Variants in SHC3 observed in about 807,000 individuals in gnomAD.
SHC3 encodes the protein SHC adaptor protein 3.
In SHC3, 15 loss-of-function variants were observed where a neutral mutation model predicts 60.4. The ratio of observed to expected loss-of-function variants is 0.25; its 90% CI spans 0.17 to 0.38. The LOEUF (loss-of-function observed/expected upper bound fraction) is 0.38. SHC3 is among the 10% of genes least tolerant of loss of function. The pLI, the probability that SHC3 is intolerant of heterozygous loss-of-function variation, is 1.00. For synonymous variants in SHC3, 294 were observed against 325.9 expected (o/e 0.90, Z 1.05); for missense variants, 677 against 786.1 (o/e 0.86, Z 1.66).
chr9:89,130,958 T>C (rs1201297949), intron 1 of SHC3, among the ~76,000 whole-genome samples: 2 of 151,944 alleles, frequency 1.3e-5, no homozygotes, highest in African/African-American at 4.8e-5. Flanking sequence ...AAAAAATCAA[T>C]GAATCCAGGA....
At position 89,059,084 on chromosome 9, in the gene SHC3, ATGGAGGATGGTGG is replaced by A. The variant is rs1018138873; in HGVS notation, c.835+6432_835+6444del. 1.7e-3 allele frequency among the ~76,000 whole-genome samples: 139 copies of A among 83,146 alleles called. 1 individual carries two copies. In the East Asian group the frequency reaches 0.047, roughly 28 times the overall value. The allele number at this position is 83,146 out of a possible 152,430, so 54.5% of individuals were successfully genotyped here. Reference sequence around the variant, plus strand: ...GGTGGAGGACGTGGTAAAGGACGTGATGGAGGATGGTGGTGGAGGATGGTGGTGGAGGATGTGG... The same window carrying A: ...GGTGGAGGACGTGGTAAAGGACGTGATGGAGGATGGTGGTGGAGGATGTGG... On this transcript the variant is annotated intron_variant, in intron 6 of 11. Transcript: ENST00000375835.
intron 5 of SHC3, among the ~76,000 whole-genome samples, chr9:89,070,201 A>C (rs1217703708): frequency 6.6e-6 from 1 of 152,246 alleles, no homozygotes; most frequent in Non-Finnish European, 1.5e-5. Context: ...ATCATTTTTC[A>C]ATTGAATAAA....
chr9:89,090,956 C>T (rs1564135539), intron 2 of SHC3, among the ~76,000 whole-genome samples: 1 of 152,200 alleles, frequency 6.6e-6, no homozygotes, highest in Non-Finnish European at 1.5e-5. Flanking sequence ...CTGTGCAAGA[C>T]ATGGCATAAC....
intron 1 of SHC3, among the ~76,000 whole-genome samples, chr9:89,167,260 C>T (rs919964945): frequency 3.3e-5 from 5 of 152,202 alleles, no homozygotes; most frequent in African/African-American, 4.8e-5. Context: ...ATGAGGTTCT[C>T]ATCTATTACA....
chr9:89,178,533 C>T lies in SHC3; in HGVS notation c.-73G>A. ...CCCCGGCGCGGGCTGCCGCGCATAG[C>T]AGGCGAGCCACTGTCCCCGGAGCGG... On this transcript the variant is annotated 5_prime_UTR_variant, in exon 1 of 12. Coordinates refer to ENST00000375835, the MANE Select transcript of SHC3 (RefSeq NM_016848.6). The surrounding 1 kb of genome is among the most constrained non-coding windows in gnomAD (Gnocchi z 6.9). 7.5e-7 allele frequency: 1 copy of T among 1,333,966 alleles called. No homozygotes were observed. Among genetic ancestry groups the T allele is most frequent in the Non-Finnish European group, 9.8e-7 (1 of 1,024,110 alleles). 82.6% of individuals were successfully genotyped at this position (1,333,966 alleles called of 1,614,324 possible). A position where few individuals can be genotyped will look rare whatever the true frequency, so the allele number is the denominator to read the frequency against.
chr9:89,120,965 G>A (rs1826084577), intron 1 of SHC3, among the ~76,000 whole-genome samples: 1 of 151,698 alleles, frequency 6.6e-6, no homozygotes, highest in Non-Finnish European at 1.5e-5. Context: ...ATTTATTTGA[G>A]AAACATATAA....
At chr9:89,072,414 A>G (rs1825289087) in intron 4 of SHC3, among the ~76,000 whole-genome samples, 1 of 152,210 alleles carries the variant, frequency 6.6e-6, no homozygotes, top group Non-Finnish European at 1.5e-5. Context: ...ACTCACAGCT[A>G]GAATGGGGGG....
chr9:89,034,256 ATTCC>A, intron 11 of SHC3, among the ~76,000 whole-genome samples: 1 of 152,236 alleles, frequency 6.6e-6, no homozygotes, highest in African/African-American at 2.4e-5. Flanking sequence ...TTTTAAACAG[ATTCC>A]TAGACATATC....
chr9:89,094,691 G>T (rs1825674375), intron 2 of SHC3, among the ~76,000 whole-genome samples: 1 of 152,094 alleles, frequency 6.6e-6, no homozygotes, highest in African/African-American at 2.4e-5. Flanking sequence ...TAGGGAGGTG[G>T]GGGTGAGACT....
chr9:89,051,549 G>T (rs1434108438), intron 7 of SHC3, among the ~76,000 whole-genome samples: 1 of 152,218 alleles, frequency 6.6e-6, no homozygotes, highest in Non-Finnish European at 1.5e-5. Context: ...CCACCTGGAA[G>T]GTAAACAAAC....
At position 89,129,515 on chromosome 9, in the gene SHC3, G is replaced by A. The variant is rs915291027; in HGVS notation, c.475-16889C>T. Among the ~76,000 whole-genome samples, 6 of 152,228 alleles carry A rather than the reference G, an allele frequency of 3.9e-5. No individual in the cohort carries two copies. In the East Asian group the frequency reaches 7.7e-4, roughly 20 times the overall value. On this transcript the variant is annotated intron_variant, in intron 1 of 11. Transcript: ENST00000375835. ...TTAAGGGCAGCCAGAGAGAAAGGTC[G>A]GGTTACCCACAAAGGGAAGCCCATC...
At chr9:89,152,690 T>A (rs1053747820) in intron 1 of SHC3, among the ~76,000 whole-genome samples, 1 of 152,256 alleles carries the variant, frequency 6.6e-6, no homozygotes, top group African/African-American at 2.4e-5. Flanking sequence ...TTAAGATGAT[T>A]TATTACAAGC....
intron 1 of SHC3, among the ~76,000 whole-genome samples, chr9:89,144,383 G>C (rs1279879009): frequency 3.3e-5 from 5 of 152,192 alleles, no homozygotes; most frequent in Non-Finnish European, 7.3e-5. Context: ...TGGCACCCCA[G>C]GACGGCTTGT....
chr9:89,128,935 C>T (rs367896235), intron 1 of SHC3, among the ~76,000 whole-genome samples: 3 of 151,954 alleles, frequency 2.0e-5, no homozygotes, highest in Non-Finnish European at 2.9e-5. Flanking sequence ...AGGCTTCAGA[C>T]GATCAGTAAC....
intron 1 of SHC3, among the ~76,000 whole-genome samples, chr9:89,129,407 T>C (rs1302619016): frequency 2.0e-5 from 3 of 151,988 alleles, no homozygotes; most frequent in Admixed American, 6.6e-5. Flanking sequence ...ATACAGAGAA[T>C]GACACAAAGA....
intron 5 of SHC3, among the ~76,000 whole-genome samples, chr9:89,067,650 T>C (rs1825204813): frequency 6.6e-6 from 1 of 152,200 alleles, no homozygotes; most frequent in African/African-American, 2.4e-5. Context: ...AGTGGAAGAA[T>C]TGAGTCATCC....
intron 1 of SHC3, among the ~76,000 whole-genome samples, chr9:89,164,569 T>C (rs1423539105): frequency 1.3e-5 from 2 of 151,990 alleles, no homozygotes; most frequent in Non-Finnish European, 2.9e-5. Context: ...GGAATTTGGA[T>C]TGAATTCTGT....
At chr9:89,149,522 G>A (rs1035789527) in intron 1 of SHC3, among the ~76,000 whole-genome samples, 7 of 151,994 alleles carry the variant, frequency 4.6e-5, no homozygotes, top group Non-Finnish European at 1.0e-4. Context: ...GGATCCTGTC[G>A]TCTAAAGTCT....
chr9:89,092,653 C>A (rs1825642135), intron 2 of SHC3, among the ~76,000 whole-genome samples: 1 of 151,118 alleles, frequency 6.6e-6, no homozygotes, highest in Non-Finnish European at 1.5e-5. Flanking sequence ...GGTTTTAGGC[C>A]CCAATCTACT....
Sources: allele counts gnomAD v4.1 joint callset (sites outside exome capture counted in the v4.1 genomes callset), GRCh38; gene constraint gnomAD v4.1.1; non-coding constraint Gnocchi (gnomAD v3.1); transcripts MANE v1.5; gene names NCBI Gene and HGNC (gene_info 2026-07-23, HGNC 2026-07-21).